DHX8: variants seen among roughly 807,000 people sequenced by gnomAD.
The protein encoded by DHX8 is ATP-dependent RNA helicase DHX8.
In DHX8, 67 loss-of-function variants were observed where a neutral mutation model predicts 140.7. The observed-to-expected ratio is 0.48, with a 90% CI of 0.39 to 0.58. DHX8 has a LOEUF of 0.58. Among genes scored for constraint, DHX8 ranks in the 20% least tolerant of loss-of-function variants. The pLI, the probability that DHX8 is intolerant of heterozygous loss-of-function variation, is 0.00. For synonymous variants in DHX8, 533 were observed against 553.2 expected (o/e 0.96, Z 0.51); for missense variants, 887 against 1,550.7 (o/e 0.57, Z 7.19).
intron 3 of DHX8, among the ~76,000 whole-genome samples, chr17:43,537,049 T>C (rs1175652265): frequency 1.3e-5 from 2 of 152,186 alleles, no homozygotes; most frequent in African/African-American, 2.4e-5. Flanking sequence ...TTATAAGCAG[T>C]GGGATCCTGT....
chr17:43,490,432 G>A lies in DHX8; in HGVS notation c.276G>A (p.Met92Ile). ...ACTTGCTGCGTCTCATACAAACCAT[G>A]CGGCCTCCAGCGAAGCCTTCCACTA... ...ISNLLRLIQT[M>I]RPPAKPSTSK... Residue 92 changes from methionine (M) to isoleucine (I), a missense_variant, in exon 3 of 23, where the codon ATG (methionine) becomes ATA (isoleucine). Physicochemically the swap from Met to Ile is conservative, Grantham distance 10. This residue lies in a region of DHX8 where 304 missense variants were observed against 306.9 expected (regional missense o/e 0.99). Coordinates refer to ENST00000262415, the MANE Select transcript of DHX8 (RefSeq NM_004941.3). 3 of 1,613,830 alleles carry A rather than the reference G, an allele frequency of 1.9e-6. No individual in the cohort carries two copies. Among genetic ancestry groups the A allele is most frequent in the Non-Finnish European group, 2.5e-6 (3 of 1,179,954 alleles).
intron 3 of DHX8, among the ~76,000 whole-genome samples, chr17:43,539,185 C>T (rs1480647107): frequency 6.6e-6 from 1 of 152,202 alleles, no homozygotes; most frequent in Non-Finnish European, 1.5e-5. Flanking sequence ...CAAGGCTCTG[C>T]ATGACTTGGC....
intron 16 of DHX8, 101 bp downstream of exon 16, chr17:43,508,621 T>C: frequency 6.6e-6 from 3 of 454,356 alleles, no homozygotes; most frequent in South Asian, 4.8e-5. Context: ...TGCAAGTCTT[T>C]TTTTTTTTTT....
At chr17:43,488,297 GAAAAA>G (rs916075602) in intron 1 of DHX8, among the ~76,000 whole-genome samples, 7 of 81,444 alleles carry the variant, frequency 8.6e-5, no homozygotes, top group Admixed American at 7.1e-4. Flanking sequence ...AAAAAAAAAA[GAAAAA>G]AAGAAAGTTT....
At position 43,507,954 on chromosome 17, in the gene DHX8, C is replaced by T; in HGVS notation, c.2255C>T (p.Pro752Leu). 6.2e-7 allele frequency: 1 copy of T among 1,614,158 alleles called. No individual in the cohort carries two copies. The highest frequency in any genetic ancestry group is 8.5e-7 in the Non-Finnish European group (1 of 1,180,034). The change falls in exon 15 of 23, where the codon CCT becomes CTT. Residue 752 changes from proline (P) to leucine (L), a missense_variant. This residue lies in a region of DHX8 where 151 missense variants were observed against 388.3 expected (regional missense o/e 0.39). Transcript: ENST00000262415. The part of the protein sequence containing the change: ...YPVEILYTKE[P>L]ETDYLDASLI... ...GTGGAAATACTGTACACAAAGGAAC[C>T]TGAGACAGATTATCTGGATGCCAGC... is the stretch of plus-strand genomic sequence containing the variant.
At chr17:43,486,697 G>A (rs999786540) in intron 1 of DHX8, among the ~76,000 whole-genome samples, 9 of 151,966 alleles carry the variant, frequency 5.9e-5, no homozygotes, top group African/African-American at 2.2e-4. Context: ...TGACCAACAT[G>A]GTGAAACCCT....
At chr17:43,532,222 G>A (rs939911976) in intron 2 of DHX8, among the ~76,000 whole-genome samples, 2 of 152,176 alleles carry the variant, frequency 1.3e-5, no homozygotes, top group African/African-American at 4.8e-5. Flanking sequence ...TAATTTGTCC[G>A]GGTGAGGTGG....
chr17:43,530,614 G>T (rs1198677265), downstream of DHX8, among the ~76,000 whole-genome samples: 1 of 80,976 alleles, frequency 1.2e-5, no homozygotes, highest in African/African-American at 4.9e-5. Context: ...GCGCGCGTGT[G>T]TGTGTGTGTG....
At chr17:43,543,800 G>A (rs1018867971) in intron 3 of DHX8, 1 of 152,202 alleles carries the variant, frequency 6.6e-6, no homozygotes, top group African/African-American at 2.4e-5. Context: ...TCCACAAAAT[G>A]TCTTGAGTGC....
intron 2 of DHX8, chr17:43,533,059 A>G: frequency 2.0e-6 from 3 of 1,490,830 alleles, no homozygotes; most frequent in Non-Finnish European, 1.8e-6. Flanking sequence ...TTGGGGTGTC[A>G]GTATTTCTCC....
At chr17:43,519,987 C>T (rs1970295259) in intron 18 of DHX8, 143 bp from the exon 19 acceptor site, 1 of 808,194 alleles carries the variant, frequency 1.2e-6, no homozygotes, top group Non-Finnish European at 2.0e-6. Flanking sequence ...TGTGGCCCAG[C>T]CCTGGAAGTT....
In DHX8 at chr17:43,492,390, C is replaced by T. The variant is rs1273037132; in HGVS notation, c.503+98C>T. 8 of 832,520 alleles carry T rather than the reference C, an allele frequency of 9.6e-6. No homozygotes were observed. The Admixed American group carries it at 1.7e-4, about 17-fold the overall frequency. 51.6% of individuals were successfully genotyped at this position (832,520 alleles called of 1,614,324 possible). ...AAAATTTTGGGCAAGTTTACAGAATCTGGACTGGTCATATATCATATTGTT... is the reference window on the plus strand; with the variant it reads ...AAAATTTTGGGCAAGTTTACAGAATTTGGACTGGTCATATATCATATTGTT... On this transcript the variant is annotated intron_variant, in intron 5 of 22. Coordinates refer to ENST00000262415, the MANE Select transcript of DHX8 (RefSeq NM_004941.3).
intron 17 of DHX8, 77 bp from the exon 18 acceptor site, chr17:43,517,090 C>T (rs907308210): frequency 6.9e-6 from 10 of 1,459,374 alleles, no homozygotes; most frequent in Admixed American, 4.9e-5. Flanking sequence ...AATTGTCCCC[C>T]TTTTAACAGA....
At position 43,489,437 on chromosome 17, in the gene DHX8, T is replaced by C. The variant is rs895931052; in HGVS notation, c.149-12T>C. 6.3e-7 allele frequency: 1 copy of C among 1,584,078 alleles called. No homozygotes were observed. Among genetic ancestry groups the C allele is most frequent in the African/African-American group, 1.4e-5 (1 of 73,598 alleles). On this transcript the variant is annotated splice_polypyrimidine_tract_variant and intron_variant, in intron 1 of 22. Coordinates refer to ENST00000262415, the MANE Select transcript of DHX8 (RefSeq NM_004941.3). ...TGTCTCTTCTTTTCTGAATTCTGTT[T>C]CTTATTTGCAGCTGAATTTGTGATC...
rs1024663407 is a variant in DHX8 at position 43,524,824 on chromosome 17, A to C, written c.*977A>C. The C allele has an allele frequency of 1.0e-6, 1 of 985,334 alleles. No homozygotes were observed. Among genetic ancestry groups the C allele is most frequent in the Non-Finnish European group, 1.2e-6 (1 of 829,954 alleles). The allele number at this position is 985,334 out of a possible 1,614,324, so 61.0% of individuals were successfully genotyped here. A position where few individuals can be genotyped will look rare whatever the true frequency, so the allele number is the denominator to read the frequency against. ...TCCCCACTCCAAACAGAAAACAAAC[A>C]TAACACCTCTCCTCTCAGCTGGTTT... On this transcript the variant is annotated 3_prime_UTR_variant, in exon 23 of 23. Transcript: ENST00000262415.
chr17:43,530,116 C>G (rs137969667), downstream of DHX8: 171 of 1,584,894 alleles, frequency 1.1e-4, no homozygotes, highest in African/African-American at 2.0e-3. Context: ...CCCATGGCCC[C>G]GTCACCTGGA....
chr17:43,511,298 C>G (rs1969812530), intron 16 of DHX8, among the ~76,000 whole-genome samples: 2 of 151,910 alleles, frequency 1.3e-5, no homozygotes, highest in African/African-American at 4.8e-5. Flanking sequence ...CCATTGCACT[C>G]CAGCCTGGGC....
At chr17:43,495,787 G>C (rs1301813538) in intron 8 of DHX8, among the ~76,000 whole-genome samples, 4 of 152,108 alleles carry the variant, frequency 2.6e-5, no homozygotes. Context: ...TGAAACCTCT[G>C]TAATTAACTC....
chr17:43,541,022 C>T (rs1971494275), intron 3 of DHX8, among the ~76,000 whole-genome samples: 1 of 152,154 alleles, frequency 6.6e-6, no homozygotes, highest in Admixed American at 6.5e-5. Flanking sequence ...ATCATCTTGC[C>T]TTTCTTCCTG....
Sources: gnomAD v4.1 joint callset for allele counts (sites outside exome capture counted in the v4.1 genomes callset) on GRCh38, gnomAD v4.1.1 for gene constraint, gnomAD v4.1.1 regional missense constraint, MANE v1.5 for transcripts, NCBI Gene and HGNC (gene_info 2026-07-23, HGNC 2026-07-21) for gene names.